TAS2R30: variants seen among roughly 807,000 people sequenced by gnomAD.
TAS2R30 encodes taste receptor type 2 member 30.
For synonymous variants in TAS2R30, 141 were observed against 131.6 expected (o/e 1.07, Z -0.49); for missense variants, 395 against 371.6 (o/e 1.06, Z -0.52).
In TAS2R30 at chr12:11,133,839, G is replaced by A. The variant is rs142677638; in HGVS notation, c.406C>T (p.Pro136Ser). The A allele has an allele frequency of 1.5e-4, 237 of 1,613,990 alleles. 1 individual carries two copies. The African/African-American group carries it at 2.2e-3, about 15-fold the overall frequency. ...AGATGACAAACCAAAAATAGCAAAG[G>A]CCCCAACAGTATCACCAGAACAACA... Residue 136 changes from proline (P) to serine (S), a missense_variant, in exon 1 of 1, where the codon CCT (proline) becomes TCT (serine). Transcript: ENST00000539585.
At chr12:11,133,358 T>A in exon 1 of TAS2R30, 1 of 1,613,940 alleles carries the variant, frequency 6.2e-7, no homozygotes. Context: ...GTACCTCACA[T>A]GCCGCAAAAC....
chr12:11,134,325 T>G, exon 1 of TAS2R30: 1 of 1,282,756 alleles, frequency 7.8e-7, no homozygotes, highest in Non-Finnish European at 1.1e-6. Flanking sequence ...TGACCTTAAA[T>G]TCTATATGCA....
At chr12:11,133,986 C>A in exon 1 of TAS2R30, 1 of 1,613,754 alleles carries the variant, frequency 6.2e-7, no homozygotes. Context: ...ACTGCCCAGA[C>A]ATTATAAGCA....
exon 1 of TAS2R30, chr12:11,133,717 A>T: frequency 6.2e-7 from 1 of 1,614,182 alleles, no homozygotes; most frequent in Middle Eastern, 1.6e-4. Context: ...TTAGAGTCAT[A>T]TTTGAATGGT....
At chr12:11,133,821 A>G in exon 1 of TAS2R30, 1 of 1,614,162 alleles carries the variant, frequency 6.2e-7, no homozygotes, top group East Asian at 2.2e-5. Flanking sequence ...AAAAGATGAC[A>G]AACCAAAAAT....
chr12:11,133,557 T>A (rs751137947), exon 1 of TAS2R30: 3 of 1,614,094 alleles, frequency 1.9e-6, no homozygotes, highest in African/African-American at 2.7e-5. Flanking sequence ...GAGGTCACAG[T>A]TTGCAAAGCT....
chr12:11,133,004 T>A (rs369127037), exon 1 of TAS2R30: 2,446 of 149,940 alleles, frequency 0.016, no homozygotes, highest in Admixed American at 0.035. Flanking sequence ...AAAATACATG[T>A]ATGAAATAAA....
exon 1 of TAS2R30, chr12:11,133,725 G>A: frequency 6.2e-7 from 1 of 1,614,080 alleles, no homozygotes; most frequent in Non-Finnish European, 8.5e-7. Context: ...ATATTTGAAT[G>A]GTACATTGCA....
At chr12:11,134,216 G>C (rs781094611) in exon 1 of TAS2R30, 1 of 1,611,956 alleles carries the variant, frequency 6.2e-7, no homozygotes, top group Non-Finnish European at 8.5e-7. Context: ...TATTAGAATG[G>C]AAAAAATGAT....
exon 1 of TAS2R30, chr12:11,133,859 A>C: frequency 6.2e-7 from 1 of 1,614,180 alleles, no homozygotes. Flanking sequence ...TATCACCAGA[A>C]CAACACTCTT....
At chr12:11,134,055 G>C (rs573387298) in exon 1 of TAS2R30, 2 of 1,586,704 alleles carry the variant, frequency 1.3e-6, no homozygotes, top group Middle Eastern at 1.7e-4. Context: ...TACCAATGTA[G>C]TAATAACACC....
At position 11,133,503 on chromosome 12, in the gene TAS2R30, A is replaced by C. The variant is rs199802803; in HGVS notation, c.742T>G (p.Ser248Ala). The stretch of plus-strand genomic sequence containing the variant: ...TCCAGCCTCCCAAAATTACAAACTG[A>C]TATGATCATGGACAGAAAGTAAATG... The change falls in exon 1 of 1, where the codon TCA becomes GCA. Residue 248 changes from serine to alanine, a missense_variant. Physicochemically the swap from Ser to Ala is moderately conservative, Grantham distance 99 (BLOSUM62 1). Transcript: ENST00000539585. The C allele has an allele frequency of 1.4e-5, 22 of 1,614,050 alleles. No individual in the cohort carries two copies. The African/African-American group carries it at 2.9e-4, about 22-fold the overall frequency.
chr12:11,132,991 T>C (rs796375456), exon 1 of TAS2R30: 2 of 126,852 alleles, frequency 1.6e-5, no homozygotes, highest in Non-Finnish European at 2.9e-5. Flanking sequence ...ACAAATGAAA[T>C]ATAAAATACA....
exon 1 of TAS2R30, chr12:11,133,618 C>T: frequency 1.2e-6 from 2 of 1,614,270 alleles, no homozygotes; most frequent in Middle Eastern, 1.6e-4. Flanking sequence ...CATGGAGCTG[C>T]ATCTTCTTGA....
In TAS2R30 at chr12:11,134,357, G is replaced by C. The variant is rs1946485675; in HGVS notation, c.-113C>G. 1 of 1,183,098 alleles carries C rather than the reference G, an allele frequency of 8.5e-7. No homozygotes were observed. Among genetic ancestry groups the C allele is most frequent in the East Asian group, 2.6e-5 (1 of 38,836 alleles). The allele number at this position is 1,183,098 out of a possible 1,614,324, so 73.3% of individuals were successfully genotyped here. On this transcript the variant is annotated 5_prime_UTR_variant, in exon 1 of 1. It introduces an in-frame stop codon into an upstream open reading frame of the 5' UTR. Coordinates refer to ENST00000539585, the Ensembl canonical transcript of TAS2R30. ...TGCACCTGATTTGTGTATGTGCTGTGACATTCTTTTTACTTTTAATTGCTG... is the reference window on the plus strand; with the variant it reads ...TGCACCTGATTTGTGTATGTGCTGTCACATTCTTTTTACTTTTAATTGCTG...
At chr12:11,133,583 G>C in exon 1 of TAS2R30, 1 of 1,614,254 alleles carries the variant, frequency 6.2e-7, no homozygotes, top group Non-Finnish European at 8.5e-7. Flanking sequence ...GTGGACCTTG[G>C]TGCTGGGATC....
chr12:11,134,143 C>T (rs372351741), exon 1 of TAS2R30: 21 of 1,613,978 alleles, frequency 1.3e-5, no homozygotes, highest in Middle Eastern at 1.6e-4. Context: ...TCTTGACCCA[C>T]TCAATGGAAT....
chr12:11,133,759 C>A, exon 1 of TAS2R30: 1 of 1,614,182 alleles, frequency 6.2e-7, no homozygotes, highest in Non-Finnish European at 8.5e-7. Flanking sequence ...TCTTCCAAGT[C>A]ACGTTTCCTT....
chr12:11,133,561 CA>C, the TAS2R30 span: 1 of 1,614,194 alleles, frequency 6.2e-7, no homozygotes, highest in South Asian at 1.1e-5. Flanking sequence ...TCACAGTTTG[CA>C]AAGCTTTTAT....
Sources: allele counts gnomAD v4.1 joint callset, GRCh38; gene constraint gnomAD v4.1.1; transcripts MANE v1.5; gene names NCBI Gene and HGNC (gene_info 2026-07-23, HGNC 2026-07-21).